The following TRDN variants were observed in gnomAD, a reference collection of about 807,000 sequenced individuals.
TRDN encodes the protein triadin, also known as triadin in skeletal muscle.
TRDN carries 161 observed loss-of-function variants against 149.7 expected under a neutral mutation model. That is an observed-to-expected ratio of 1.08 (90% CI 0.95 to 1.23). The LOEUF (loss-of-function observed/expected upper bound fraction) is 1.23. Ranked by LOEUF, TRDN falls within the 50% of genes most tolerant of loss-of-function variation. The pLI, the probability that TRDN is intolerant of heterozygous loss-of-function variation, is 0.00. For missense variants in TRDN, 896 were observed against 823.5 expected (o/e 1.09, Z -1.08); for synonymous variants, 294 against 250.5 (o/e 1.17, Z -1.64).
At chr6:123,323,677 A>T (rs572174316) in intron 23 of TRDN, among the ~76,000 whole-genome samples, 299 of 152,316 alleles carry the variant, frequency 2.0e-3, no homozygotes, top group African/African-American at 6.8e-3. Context: ...AACACATAAA[A>T]TGGGCCACAG....
chr6:123,422,333 G>T (rs986274181), intron 12 of TRDN, among the ~76,000 whole-genome samples: 2 of 152,008 alleles, frequency 1.3e-5, no homozygotes, highest in Admixed American at 1.3e-4. Flanking sequence ...TTTCCTTGGG[G>T]TTCAGCATTT....
intron 24 of TRDN, among the ~76,000 whole-genome samples, chr6:123,289,685 A>G (rs1192366404): frequency 6.6e-6 from 1 of 152,140 alleles, no homozygotes; most frequent in Non-Finnish European, 1.5e-5. Flanking sequence ...ATCTTCATGC[A>G]ATTGAAAGTG....
chr6:123,297,394 A>G (rs1360872860), intron 24 of TRDN, among the ~76,000 whole-genome samples: 1 of 152,000 alleles, frequency 6.6e-6, no homozygotes, highest in African/African-American at 2.4e-5. Flanking sequence ...ACCATGATCG[A>G]GCATGAAAGA....
At chr6:123,225,495 A>C (rs1034213218) in intron 38 of TRDN, among the ~76,000 whole-genome samples, 2 of 149,928 alleles carry the variant, frequency 1.3e-5, no homozygotes, top group Non-Finnish European at 1.5e-5. Flanking sequence ...AGTAGATCTT[A>C]AATGTTCTCA....
intron 1 of TRDN, among the ~76,000 whole-genome samples, chr6:123,577,320 C>A (rs1449671074): frequency 6.6e-6 from 1 of 151,996 alleles, no homozygotes; most frequent in Non-Finnish European, 1.5e-5. Flanking sequence ...TCAAGTAGGC[C>A]CCAGTGTCTG....
chr6:123,348,791 T>C (rs993124050), intron 21 of TRDN, among the ~76,000 whole-genome samples: 1 of 152,126 alleles, frequency 6.6e-6, no homozygotes, highest in Non-Finnish European at 1.5e-5. Context: ...TAATGTTGCA[T>C]GGTGAACATT....
chr6:123,461,970 T>G (rs1291017401), intron 10 of TRDN, among the ~76,000 whole-genome samples: 1 of 152,166 alleles, frequency 6.6e-6, no homozygotes, highest in Non-Finnish European at 1.5e-5. Flanking sequence ...AATTCAAAAT[T>G]GCTTAAAAGA....
rs185203420 is a variant in TRDN, at chr6:123,322,280, G to A, written c.1472-5785C>T. ...TGCAGAGATCATTTTTGCCACTGCA[G>A]TTGAAGAAAAACAAACAAACAGGCA... On this transcript the variant is annotated intron_variant, in intron 23 of 40. Coordinates refer to ENST00000334268, the MANE Select transcript of TRDN (RefSeq NM_006073.4). Among the ~76,000 whole-genome samples the A allele has an allele frequency of 6.1e-4, 93 of 152,252 alleles. 1 individual carries two copies. Among genetic ancestry groups the A allele is most frequent in the African/African-American group, 2.2e-3 (91 of 41,568 alleles).
intron 2 of TRDN, among the ~76,000 whole-genome samples, chr6:123,568,038 A>G (rs887677689): frequency 6.6e-6 from 1 of 152,184 alleles, no homozygotes; most frequent in African/African-American, 2.4e-5. Context: ...TCCAAGACAC[A>G]ATGAGGGTAT....
intron 1 of TRDN, among the ~76,000 whole-genome samples, chr6:123,604,767 T>C (rs75691105): frequency 0.029 from 4,351 of 151,960 alleles, 187 homozygotes; most frequent in East Asian, 0.17. Flanking sequence ...ATATGATAAA[T>C]CGAGGGTGGG....
intron 1 of TRDN, among the ~76,000 whole-genome samples, chr6:123,584,797 G>A (rs1055542886): frequency 3.5e-4 from 53 of 152,282 alleles, no homozygotes; most frequent in African/African-American, 1.1e-3. Context: ...ACAGAATAAT[G>A]GATTGTGGAG....
At chr6:123,590,995 T>C (rs984818666) in intron 1 of TRDN, among the ~76,000 whole-genome samples, 2 of 152,138 alleles carry the variant, frequency 1.3e-5, no homozygotes, top group African/African-American at 2.4e-5. Context: ...TATAAAAAAT[T>C]ATAATAAAAT....
intron 10 of TRDN, among the ~76,000 whole-genome samples, chr6:123,455,504 T>C (rs186631295): frequency 1.5e-3 from 223 of 151,506 alleles, no homozygotes; most frequent in African/African-American, 5.3e-3. Context: ...GAAAAGGAGA[T>C]GCTATATTTT....
intron 30 of TRDN, among the ~76,000 whole-genome samples, chr6:123,270,164 A>G (rs1479894296): frequency 2.0e-5 from 3 of 151,992 alleles, no homozygotes; most frequent in Admixed American, 1.3e-4. Flanking sequence ...TGAATGAGAT[A>G]CTCAGGTGGC....
At chr6:123,343,736 TATA>T (rs1186084560) in intron 21 of TRDN, among the ~76,000 whole-genome samples, 1 of 151,942 alleles carries the variant, frequency 6.6e-6, no homozygotes, top group Admixed American at 6.6e-5. Context: ...AAACTTAAAG[TATA>T]ATAATAAAAA....
chr6:123,216,674 A>T lies in TRDN; in HGVS notation c.*1927T>A, dbSNP rs887841296. 6.6e-6 allele frequency: 1 copy of T among 151,950 alleles called. No individual in the cohort carries two copies. The highest frequency in any genetic ancestry group is 1.5e-5 in the Non-Finnish European group (1 of 67,928). The allele number at this position is 151,950 out of a possible 1,614,324, so 9.4% of individuals were successfully genotyped here. On this transcript the variant is annotated 3_prime_UTR_variant, in exon 41 of 41. Transcript: ENST00000334268. Reference sequence around the variant, plus strand: ...TGTCTCCATGGTATTTCTATGAGATATTAGACTGTTTGTCCCTATATCCCT... The same window carrying T: ...TGTCTCCATGGTATTTCTATGAGATTTTAGACTGTTTGTCCCTATATCCCT...
intron 40 of TRDN, among the ~76,000 whole-genome samples, chr6:123,219,051 G>A (rs1775048023): frequency 6.6e-6 from 1 of 151,882 alleles, no homozygotes; most frequent in Non-Finnish European, 1.5e-5. Context: ...TCAAAGTTCT[G>A]ATCATATAGA....
chr6:123,512,060 T>C (rs937851054), intron 7 of TRDN, among the ~76,000 whole-genome samples: 1 of 151,584 alleles, frequency 6.6e-6, no homozygotes, highest in African/African-American at 2.4e-5. Flanking sequence ...ATGAGGGTTA[T>C]GGGGCTCAAA....
At chr6:123,449,198 G>A (rs1453293855) in intron 10 of TRDN, among the ~76,000 whole-genome samples, 1 of 152,102 alleles carries the variant, frequency 6.6e-6, no homozygotes, top group African/African-American at 2.4e-5. Context: ...TAGTTCACCA[G>A]CAAAGGATTC....
Sources: allele counts gnomAD v4.1 joint callset (sites outside exome capture counted in the v4.1 genomes callset), GRCh38; gene constraint gnomAD v4.1.1; transcripts MANE v1.5; gene names NCBI Gene and HGNC (gene_info 2026-07-23, HGNC 2026-07-21).